UHRF1: variants seen among roughly 807,000 people sequenced by gnomAD.
UHRF1 encodes ubiquitin like with PHD and ring finger domains 1.
UHRF1 carries 9 observed loss-of-function variants against 96.5 expected under a neutral mutation model. The ratio of observed to expected loss-of-function variants is 0.09; its 90% CI spans 0.06 to 0.16. UHRF1 has a LOEUF of 0.16. Among genes scored for constraint, UHRF1 ranks in the 10% least tolerant of loss-of-function variants. UHRF1 has a pLI of 1.00. For synonymous variants in UHRF1, 455 were observed against 469.9 expected, an observed-to-expected ratio of 0.97 and a Z score of 0.41; for missense variants, 626 against 1,131.1, an observed-to-expected ratio of 0.55 and a Z score of 6.40.
At chr19:4,957,304 T>G (rs1420899297) in intron 16 of UHRF1, among the ~76,000 whole-genome samples, 18 of 133,438 alleles carry the variant, frequency 1.3e-4, no homozygotes, top group African/African-American at 3.8e-4. Flanking sequence ...ATGGTTTTTT[T>G]TTTTTTTTTT....
chr19:4,954,305 G>C lies in UHRF1; in HGVS notation c.1819-45G>C, dbSNP rs756016042. The C allele has an allele frequency of 6.2e-7, 1 of 1,600,420 alleles. No homozygotes were observed. Among genetic ancestry groups the C allele is most frequent in the Non-Finnish European group, 8.5e-7 (1 of 1,174,772 alleles). Reference sequence around the variant, plus strand: ...TGGAAGAGCGGGCTCTGCATAGCGTGTGGGCCCCAAGCCTGACTCACGGCT... The same window carrying C: ...TGGAAGAGCGGGCTCTGCATAGCGTCTGGGCCCCAAGCCTGACTCACGGCT... On this transcript the variant is annotated intron_variant, in intron 13 of 16. Coordinates refer to ENST00000650932, the MANE Select transcript of UHRF1 (RefSeq NM_001048201.3). The surrounding 1 kb of genome is among the most constrained non-coding windows in gnomAD (Gnocchi z 5.9).
chr19:4,907,567 G>A (rs936142232), upstream of UHRF1, among the ~76,000 whole-genome samples: 3 of 151,902 alleles, frequency 2.0e-5, no homozygotes, highest in Non-Finnish European at 4.4e-5. Context: ...ACCACGCCCG[G>A]CCCACACATT....
intron 16 of UHRF1, among the ~76,000 whole-genome samples, chr19:4,958,440 T>C (rs763945676): frequency 2.0e-4 from 30 of 152,210 alleles, no homozygotes; most frequent in Non-Finnish European, 4.3e-4. Flanking sequence ...TGGGGGGCTA[T>C]TGGAAGAGGG....
In UHRF1 at chr19:4,954,020, C is replaced by T. The variant is rs1023014165; in HGVS notation, c.1819-330C>T. Among the ~76,000 whole-genome samples the T allele has an allele frequency of 3.9e-5, 6 of 152,192 alleles. No individual in the cohort carries two copies. The highest frequency in any genetic ancestry group is 1.2e-4 in the African/African-American group (5 of 41,548). On this transcript the variant is annotated intron_variant, in intron 13 of 16. Coordinates refer to ENST00000650932, the MANE Select transcript of UHRF1 (RefSeq NM_001048201.3). This position sits in a 1 kb window ranked among gnomAD's most constrained non-coding sequence, Gnocchi z 5.9. ...TGGGACGATGCAATGTTTCATCATGCAGTGTGCGTGATGTGAGGTGGCTGT... is the reference window on the plus strand; with the variant it reads ...TGGGACGATGCAATGTTTCATCATGTAGTGTGCGTGATGTGAGGTGGCTGT...
chr19:4,951,024 T>C (rs753879469), intron 13 of UHRF1, 28 bp downstream of exon 13: 2 of 1,574,400 alleles, frequency 1.3e-6, no homozygotes, highest in Non-Finnish European at 1.7e-6. Context: ...GATGGCACTT[T>C]GGGAGGCCAA....
chr19:4,942,364 G>A lies in UHRF1; in HGVS notation c.1073+433G>A, dbSNP rs1202284099. On this transcript the variant is annotated intron_variant, in intron 7 of 16. Coordinates refer to ENST00000650932, the MANE Select transcript of UHRF1 (RefSeq NM_001048201.3). ...CGCCTCCACGCCTGGCTAATTTTTTGTATTTTTAGTAGAGATGGGGTTTCA... is the reference window on the plus strand; with the variant it reads ...CGCCTCCACGCCTGGCTAATTTTTTATATTTTTAGTAGAGATGGGGTTTCA... Among the ~76,000 whole-genome samples the A allele has an allele frequency of 7.3e-5, 11 of 149,786 alleles. No individual in the cohort carries two copies. In the Admixed American group the frequency reaches 7.4e-4, roughly 10 times the overall value.
chr19:4,911,146 C>T (rs1425096653), intron 2 of UHRF1, 108 bp downstream of exon 2: 1 of 1,097,140 alleles, frequency 9.1e-7, no homozygotes, highest in Non-Finnish European at 1.3e-6. Flanking sequence ...ACAACCTCGT[C>T]CGGTCCCACT....
intron 15 of UHRF1, among the ~76,000 whole-genome samples, chr19:4,955,760 G>A (rs1599302905): frequency 6.6e-6 from 1 of 151,834 alleles, no homozygotes; most frequent in East Asian, 1.9e-4. Flanking sequence ...GCTCCTGGTG[G>A]CCCGTGTACT....
chr19:4,919,031 T>C (rs768667521), intron 2 of UHRF1, among the ~76,000 whole-genome samples: 3,709 of 150,044 alleles, frequency 0.025, 69 homozygotes, highest in Middle Eastern at 0.045. Flanking sequence ...CTCATTTTTT[T>C]TTTTTTTTTT....
At chr19:4,941,295 T>A (rs1334063374) in intron 5 of UHRF1, among the ~76,000 whole-genome samples, 1 of 151,928 alleles carries the variant, frequency 6.6e-6, no homozygotes, top group African/African-American at 2.4e-5. Context: ...TTCACCATGT[T>A]GGCCAGGCTG....
At chr19:4,934,662 C>T (rs184296469) in intron 5 of UHRF1, among the ~76,000 whole-genome samples, 15 of 152,268 alleles carry the variant, frequency 9.9e-5, no homozygotes, top group East Asian at 1.9e-4. Context: ...AGTGATAGTA[C>T]GTGACGTGTT....
In UHRF1 at chr19:4,915,817, A is replaced by T. The variant is rs145159973; in HGVS notation, c.153+4779A>T. ...AGATTGCATACTTTAATCCAGCCTC[A>T]GTTGGTGTGTCTGGGTTTTCTGGCT... On this transcript the variant is annotated intron_variant, in intron 2 of 16. Coordinates refer to ENST00000650932, the MANE Select transcript of UHRF1 (RefSeq NM_001048201.3). Among the ~76,000 whole-genome samples, 1,186 of 152,272 alleles carry T rather than the reference A, an allele frequency of 7.8e-3. 9 individuals carry two copies. The highest frequency in any genetic ancestry group is 0.041 in the Middle Eastern group (12 of 294).
chr19:4,942,212 C>A (rs1434312328), intron 7 of UHRF1, among the ~76,000 whole-genome samples: 1 of 149,870 alleles, frequency 6.7e-6, no homozygotes, highest in Non-Finnish European at 1.5e-5. Context: ...TTTTTTTTTG[C>A]GGCGGAGTCT....
intron 4 of UHRF1, among the ~76,000 whole-genome samples, chr19:4,931,774 T>G (rs2033059820): frequency 6.6e-6 from 1 of 151,614 alleles, no homozygotes; most frequent in Non-Finnish European, 1.5e-5. Flanking sequence ...GCTTATTTTA[T>G]TTTTTTGAGA....
intron 5 of UHRF1, among the ~76,000 whole-genome samples, chr19:4,937,087 T>C (rs894385093): frequency 6.6e-6 from 1 of 152,092 alleles, no homozygotes; most frequent in Non-Finnish European, 1.5e-5. Context: ...TCTCCATTCA[T>C]ACAATTTTGT....
At chr19:4,956,089 G>A (rs762656937) in intron 15 of UHRF1, among the ~76,000 whole-genome samples, 1 of 151,900 alleles carries the variant, frequency 6.6e-6, no homozygotes, top group South Asian at 2.1e-4. Flanking sequence ...CACCCACCAC[G>A]CCTGGCTAAT....
At chr19:4,909,740 G>A (rs1046621717) in intron 1 of UHRF1, 85 bp downstream of exon 1, 11 of 489,192 alleles carry the variant, frequency 2.2e-5, no homozygotes, top group Non-Finnish European at 3.6e-5. Flanking sequence ...CGCGCGGCCA[G>A]CCCGGGCGCA....
chr19:4,918,289 T>C (rs1473518811), intron 2 of UHRF1, among the ~76,000 whole-genome samples: 1 of 151,522 alleles, frequency 6.6e-6, no homozygotes, highest in African/African-American at 2.4e-5. Flanking sequence ...CCGGCTAATT[T>C]TTTTGTATTT....
Position 4,912,420 on chromosome 19 carries a change from G to A in UHRF1, c.153+1382G>A, listed in dbSNP as rs190854871. On this transcript the variant is annotated intron_variant, in intron 2 of 16. Coordinates refer to ENST00000650932, the MANE Select transcript of UHRF1 (RefSeq NM_001048201.3). ...CCTTCTAAGTTCACAGCGTAGGTCA[G>A]TGGCGGGTTGGACTCTCATGCTCCC... Among the ~76,000 whole-genome samples the A allele has an allele frequency of 2.0e-4, 31 of 152,272 alleles. 1 individual carries two copies. The highest frequency in any genetic ancestry group is 7.2e-4 in the African/African-American group (30 of 41,570).
Sources: allele counts gnomAD v4.1 joint callset (sites outside exome capture counted in the v4.1 genomes callset), GRCh38; gene constraint gnomAD v4.1.1; non-coding constraint Gnocchi (gnomAD v3.1); transcripts MANE v1.5; gene names NCBI Gene and HGNC (gene_info 2026-07-23, HGNC 2026-07-21).